The following MEGF10 variants were observed in gnomAD, a reference collection of about 807,000 sequenced individuals.
The protein encoded by MEGF10 is multiple epidermal growth factor-like domains protein 10.
In MEGF10, 86 loss-of-function variants were observed where a neutral mutation model predicts 147.5. The observed-to-expected ratio is 0.58, with a 90% confidence interval of 0.49 to 0.70. MEGF10 has a LOEUF of 0.70. Ranked by LOEUF, MEGF10 falls within the 30% of genes least tolerant of loss-of-function variation. The pLI, the probability that MEGF10 is intolerant of heterozygous loss-of-function variation, is 0.00. For synonymous variants in MEGF10, 478 were observed against 525.5 expected (o/e 0.91, Z 1.24); for missense variants, 1,329 against 1,487.3 (o/e 0.89, Z 1.75).
chr5:127,373,195 TAGGCTGG>T (rs1440637735), intron 5 of MEGF10, among the ~76,000 whole-genome samples: 2 of 152,176 alleles, frequency 1.3e-5, no homozygotes, highest in African/African-American at 2.4e-5. Context: ...CTCTGTCACC[TAGGCTGG>T]AGTGCAATGG....
At chr5:127,283,326 A>G in the MEGF10 span, among the ~76,000 whole-genome samples, 1 of 152,206 alleles carries the variant, frequency 6.6e-6, no homozygotes, top group Non-Finnish European at 1.5e-5. Context: ...TGTATTCACT[A>G]TATCAAATGT....
upstream of MEGF10, chr5:127,290,691 C>A (rs950874377): frequency 1.3e-5 from 2 of 152,646 alleles, no homozygotes; most frequent in African/African-American, 4.8e-5. Flanking sequence ...GCGACAACCC[C>A]CCAGCGGCCA....
At chr5:127,408,036 G>T (rs749744202) in intron 8 of MEGF10, among the ~76,000 whole-genome samples, 18 of 152,150 alleles carry the variant, frequency 1.2e-4, no homozygotes, top group Non-Finnish European at 2.4e-4. Context: ...TATTTATAAT[G>T]CAAACTAGTA....
intron 14 of MEGF10, among the ~76,000 whole-genome samples, 166 bp downstream of exon 14, chr5:127,433,675 G>C (rs555041799): frequency 6.6e-6 from 1 of 152,320 alleles, no homozygotes; most frequent in South Asian, 2.1e-4. Flanking sequence ...TGTTCCCTAA[G>C]AGCTTCATTC....
chr5:127,288,022 G>T (rs1328453884), upstream of MEGF10, among the ~76,000 whole-genome samples: 2 of 151,888 alleles, frequency 1.3e-5, no homozygotes, highest in East Asian at 1.9e-4. Flanking sequence ...CTCAACAAAT[G>T]GTGCCAAAAC....
chr5:127,391,153 CATACAT>C (rs201844357), intron 5 of MEGF10, among the ~76,000 whole-genome samples: 4,577 of 40,348 alleles, frequency 0.11, 191 homozygotes, highest in Non-Finnish European at 0.21. Flanking sequence ...CACACACACA[CATACAT>C]GCTTATTTCT....
chr5:127,446,379 T>G (rs1184615609), intron 20 of MEGF10, among the ~76,000 whole-genome samples: 1 of 152,172 alleles, frequency 6.6e-6, no homozygotes, highest in Non-Finnish European at 1.5e-5. Flanking sequence ...ACTACAAAAT[T>G]CCGTGGAAAT....
chr5:127,285,409 G>T, the MEGF10 span, among the ~76,000 whole-genome samples: 2 of 152,010 alleles, frequency 1.3e-5, no homozygotes, highest in African/African-American at 4.8e-5. Context: ...AAGATTAATA[G>T]CAAATATGAA....
the MEGF10 span, among the ~76,000 whole-genome samples, chr5:127,284,009 A>G: frequency 6.6e-6 from 1 of 152,238 alleles, no homozygotes; most frequent in African/African-American, 2.4e-5. Context: ...GACATGTTAC[A>G]TGAAGAAGAC....
chr5:127,392,812 C>T (rs1763752989), intron 5 of MEGF10, among the ~76,000 whole-genome samples: 1 of 152,122 alleles, frequency 6.6e-6, no homozygotes. Flanking sequence ...TATATGTAAT[C>T]CAAGTAGTAC....
In MEGF10 at chr5:127,443,147, T is replaced by C. The variant is rs200473523; in HGVS notation, c.2491+21T>C. The C allele has an allele frequency of 4.4e-6, 7 of 1,607,160 alleles. No homozygotes were observed. In the African/African-American group the frequency reaches 6.7e-5, roughly 15 times the overall value. On this transcript the variant is annotated intron_variant, in intron 19 of 24. Transcript: ENST00000503335. ...TCAAGGTAAATATACTAGCTAATGT[T>C]TGTAGCACTGCAGTATTGTGTGAAC... is the stretch of plus-strand genomic sequence containing the variant.
the MEGF10 span, among the ~76,000 whole-genome samples, chr5:127,247,306 G>A: frequency 3.6e-5 from 3 of 82,218 alleles, no homozygotes; most frequent in East Asian, 6.3e-4. Context: ...GAGAGAGAGC[G>A]AGAGAAAGAG....
rs78192732 is a variant in MEGF10, at chr5:127,326,682, A to G, written c.-18-4609A>G. On this transcript the variant is annotated intron_variant, in intron 1 of 24. Transcript: ENST00000503335. Reference sequence around the variant, plus strand: ...GGAACAGTGAGTACATCCTTTATAGATAACACGATGGAGTGGTCAGGTGAA... The same window carrying G: ...GGAACAGTGAGTACATCCTTTATAGGTAACACGATGGAGTGGTCAGGTGAA... Among the ~76,000 whole-genome samples the G allele has an allele frequency of 8.2e-3, 1,254 of 152,318 alleles. 18 individuals carry two copies. The highest frequency in any genetic ancestry group is 0.029 in the African/African-American group (1,205 of 41,568).
chr5:127,287,403 G>A (rs1580662872), upstream of MEGF10, among the ~76,000 whole-genome samples: 1 of 151,944 alleles, frequency 6.6e-6, no homozygotes, highest in East Asian at 1.9e-4. Context: ...TGCAAAATGT[G>A]AGGGTACTGC....
At chr5:127,310,294 T>C (rs566371083) in intron 1 of MEGF10, among the ~76,000 whole-genome samples, 46 of 151,766 alleles carry the variant, frequency 3.0e-4, no homozygotes, top group African/African-American at 1.1e-3. Flanking sequence ...GTTGTAGGAG[T>C]TCTTTTTATA....
Position 127,410,372 on chromosome 5 carries a change from T to C in MEGF10, c.918-17T>C, listed in dbSNP as rs1393236885. ...ACTAACTAATCTTTCTTCTTGCTCCTGCCTCTTGCTTGGTAGGTGCCAGGA... is the reference window on the plus strand; with the variant it reads ...ACTAACTAATCTTTCTTCTTGCTCCCGCCTCTTGCTTGGTAGGTGCCAGGA... On this transcript the variant is annotated splice_polypyrimidine_tract_variant and intron_variant, in intron 8 of 24. Coordinates refer to ENST00000503335, the MANE Select transcript of MEGF10 (RefSeq NM_001256545.2). 1.9e-6 allele frequency: 3 copies of C among 1,612,830 alleles called. No individual in the cohort carries two copies. The highest frequency in any genetic ancestry group is 2.5e-6 in the Non-Finnish European group (3 of 1,178,976).
the MEGF10 span, among the ~76,000 whole-genome samples, chr5:127,230,769 G>A: frequency 6.6e-6 from 1 of 152,180 alleles, no homozygotes; most frequent in South Asian, 2.1e-4. Context: ...GTGGATCTTT[G>A]ATTTGAATGT....
At chr5:127,297,487 C>G (rs1355067866) in intron 1 of MEGF10, among the ~76,000 whole-genome samples, 1 of 151,860 alleles carries the variant, frequency 6.6e-6, no homozygotes, top group Admixed American at 6.6e-5. Flanking sequence ...ATAGTAAGAG[C>G]CAAGTGGCAG....
intron 2 of MEGF10, among the ~76,000 whole-genome samples, chr5:127,333,984 G>T (rs1580726945): frequency 6.6e-6 from 1 of 152,258 alleles, no homozygotes; most frequent in African/African-American, 2.4e-5. Context: ...CCAGGAAGAA[G>T]AGTTGACAGC....
Sources: allele counts gnomAD v4.1 joint callset (sites outside exome capture counted in the v4.1 genomes callset), GRCh38; gene constraint gnomAD v4.1.1; transcripts MANE v1.5; gene names NCBI Gene and HGNC (gene_info 2026-07-23, HGNC 2026-07-21).